The following DENND1A variants were observed in gnomAD, a reference collection of about 807,000 sequenced individuals.
DENND1A encodes DENN domain-containing protein 1A.
DENND1A carries 51 observed loss-of-function variants against 113.7 expected under a neutral mutation model. The ratio of observed to expected loss-of-function variants is 0.45; its 90% CI spans 0.36 to 0.57. The LOEUF (loss-of-function observed/expected upper bound fraction) is 0.57, where lower values mean the gene tolerates loss of function less well. Among genes scored for constraint, DENND1A ranks in the 20% least tolerant of loss-of-function variants. DENND1A has a pLI of 0.00. For missense variants in DENND1A, 1,258 were observed against 1,395.9 expected, an observed-to-expected ratio of 0.90 and a Z score of 1.57; for synonymous variants, 565 against 570.8, an observed-to-expected ratio of 0.99 and a Z score of 0.14.
At chr9:123,845,736 A>G (rs1433340601) in intron 2 of DENND1A, among the ~76,000 whole-genome samples, 1 of 151,138 alleles carries the variant, frequency 6.6e-6, no homozygotes. Context: ...CAAATGTAAG[A>G]GCTAAAACCT....
intron 20 of DENND1A, among the ~76,000 whole-genome samples, chr9:123,408,523 G>C (rs2044062416): frequency 6.6e-6 from 1 of 152,122 alleles, no homozygotes. Context: ...TCAGAGGTGA[G>C]GATCCTGCCT....
At chr9:123,763,626 G>A (rs548210995) in intron 4 of DENND1A, among the ~76,000 whole-genome samples, 1 of 152,238 alleles carries the variant, frequency 6.6e-6, no homozygotes, top group East Asian at 1.9e-4. Context: ...GGATCACTTA[G>A]GGAGGGAGTT....
intron 1 of DENND1A, among the ~76,000 whole-genome samples, chr9:123,911,746 A>G (rs772598127): frequency 6.6e-6 from 1 of 150,714 alleles, no homozygotes; most frequent in Non-Finnish European, 1.5e-5. Flanking sequence ...GCTGGAGTGC[A>G]GTGGTGCGAT....
intron 13 of DENND1A, among the ~76,000 whole-genome samples, chr9:123,462,890 G>A (rs2048642892): frequency 6.6e-6 from 1 of 152,146 alleles, no homozygotes; most frequent in Non-Finnish European, 1.5e-5. Context: ...CAGCTCCTGG[G>A]AGTAAACAAA....
intron 3 of DENND1A, among the ~76,000 whole-genome samples, chr9:123,788,683 C>T (rs1378417398): frequency 6.6e-6 from 1 of 151,994 alleles, no homozygotes; most frequent in Non-Finnish European, 1.5e-5. Context: ...GAAAGAAATA[C>T]ATTATTATTG....
At position 123,764,873 on chromosome 9, in the gene DENND1A, C is replaced by T. The variant is rs1206757657; in HGVS notation, c.182+4641G>A. 6.6e-6 allele frequency among the ~76,000 whole-genome samples: 1 copy of T among 152,174 alleles called. No individual in the cohort carries two copies. Among genetic ancestry groups the T allele is most frequent in the Non-Finnish European group, 1.5e-5 (1 of 68,028 alleles). Reference sequence around the variant, plus strand: ...CAAAACCCAGATCTCCTGCTTGCTGCCTACAATAGTCTGTCCACTAAGGCC... The same window carrying T: ...CAAAACCCAGATCTCCTGCTTGCTGTCTACAATAGTCTGTCCACTAAGGCC... On this transcript the variant is annotated intron_variant, in intron 4 of 23. Transcript: ENST00000394215. The surrounding 1 kb of genome is among the most constrained non-coding windows in gnomAD (Gnocchi z 4.1).
intron 12 of DENND1A, among the ~76,000 whole-genome samples, chr9:123,567,834 G>A (rs754400329): frequency 8.5e-5 from 13 of 152,092 alleles, no homozygotes; most frequent in Non-Finnish European, 8.8e-5. Flanking sequence ...CCCTAAAGCC[G>A]TGTTAACAAA....
chr9:123,680,036 A>G (rs1471701702), intron 5 of DENND1A, among the ~76,000 whole-genome samples: 2 of 152,130 alleles, frequency 1.3e-5, no homozygotes, highest in Non-Finnish European at 2.9e-5. Flanking sequence ...TCAGAAAGAG[A>G]CACACCCACA....
intron 1 of DENND1A, among the ~76,000 whole-genome samples, chr9:123,906,217 G>A (rs1480223989): frequency 6.9e-6 from 1 of 144,718 alleles, no homozygotes; most frequent in Non-Finnish European, 1.5e-5. Context: ...AGTGTGTAGA[G>A]GGAAATTTAT....
intron 13 of DENND1A, among the ~76,000 whole-genome samples, chr9:123,523,851 A>C (rs1375469618): frequency 6.6e-6 from 1 of 152,238 alleles, no homozygotes; most frequent in African/African-American, 2.4e-5. Context: ...TATAGTTGAT[A>C]AGCATGAAAA....
intron 3 of DENND1A, among the ~76,000 whole-genome samples, chr9:123,775,663 T>C (rs1181301348): frequency 2.6e-5 from 4 of 152,070 alleles, no homozygotes; most frequent in Non-Finnish European, 5.9e-5. Context: ...TAGAGAAAAA[T>C]CTTTCATTAT....
chr9:123,797,191 T>G (rs1347573927), intron 2 of DENND1A, among the ~76,000 whole-genome samples: 1 of 152,202 alleles, frequency 6.6e-6, no homozygotes, highest in Non-Finnish European at 1.5e-5. Flanking sequence ...GACTTTAACA[T>G]TAGCTATACA....
At position 123,468,137 on chromosome 9, in the gene DENND1A, G is replaced by C. The variant is rs10119787; in HGVS notation, c.994-10240C>G. Among the ~76,000 whole-genome samples the C allele has an allele frequency of 6.2e-3, 939 of 152,240 alleles. 12 individuals are homozygous for C. The highest frequency in any genetic ancestry group is 0.021 in the African/African-American group (890 of 41,530). ...ACTCTGAGAAGTGGCAGATTGGGGGGTTCCACTCTCAGCTCTGCTCCTTGC... is the reference window on the plus strand; with the variant it reads ...ACTCTGAGAAGTGGCAGATTGGGGGCTTCCACTCTCAGCTCTGCTCCTTGC... On this transcript the variant is annotated intron_variant, in intron 13 of 23. Transcript: ENST00000394215.
chr9:123,716,677 A>C (rs2066995843), intron 5 of DENND1A, among the ~76,000 whole-genome samples: 1 of 152,220 alleles, frequency 6.6e-6, no homozygotes, highest in Admixed American at 6.5e-5. Flanking sequence ...AAAAAGTACA[A>C]ACGAATGCAG....
intron 8 of DENND1A, among the ~76,000 whole-genome samples, chr9:123,659,851 C>A (rs1024583819): frequency 3.9e-5 from 6 of 152,144 alleles, no homozygotes; most frequent in Non-Finnish European, 7.3e-5. Flanking sequence ...TTAAATTAAT[C>A]CTTGAAAAAT....
intron 5 of DENND1A, among the ~76,000 whole-genome samples, chr9:123,699,839 A>G (rs1337861175): frequency 6.6e-6 from 1 of 152,022 alleles, no homozygotes; most frequent in African/African-American, 2.4e-5. Context: ...CTGGGATTAC[A>G]GGCATGTGCC....
At chr9:123,438,771 C>T (rs752377419) in intron 19 of DENND1A, among the ~76,000 whole-genome samples, 7 of 152,172 alleles carry the variant, frequency 4.6e-5, no homozygotes, top group Non-Finnish European at 1.0e-4. Context: ...ATCCCCCACC[C>T]GTGCACACAC....
intron 11 of DENND1A, among the ~76,000 whole-genome samples, chr9:123,585,315 A>G (rs755465498): frequency 2.4e-4 from 37 of 152,196 alleles, no homozygotes; most frequent in Admixed American, 2.1e-3. Flanking sequence ...TCCAAACCCC[A>G]ACACCCATTA....
chr9:123,651,059 C>A (rs1461442792), intron 9 of DENND1A, among the ~76,000 whole-genome samples: 1 of 151,680 alleles, frequency 6.6e-6, no homozygotes, highest in Non-Finnish European at 1.5e-5. Flanking sequence ...TTTCAGCTTT[C>A]TATAATGGCT....
Sources: allele counts gnomAD v4.1 joint callset (sites outside exome capture counted in the v4.1 genomes callset), GRCh38; gene constraint gnomAD v4.1.1; non-coding constraint Gnocchi (gnomAD v3.1); transcripts MANE v1.5; gene names NCBI Gene and HGNC (gene_info 2026-07-23, HGNC 2026-07-21).